RBFOX1: variants seen among roughly 807,000 people sequenced by gnomAD.
The protein encoded by RBFOX1 is RNA binding fox-1 homolog 1.
A neutral mutation model predicts 57.7 loss-of-function variants in RBFOX1; 8 were observed. The observed-to-expected ratio is 0.14, with a 90% CI of 0.08 to 0.25. The LOEUF (loss-of-function observed/expected upper bound fraction) is 0.25, where lower values mean the gene tolerates loss of function less well. Ranked by LOEUF, RBFOX1 falls within the 10% of genes least tolerant of loss-of-function variation. The pLI, the probability that RBFOX1 is intolerant of heterozygous loss-of-function variation, is 1.00. For synonymous variants in RBFOX1, 326 were observed against 222.4 expected (o/e 1.47, Z -4.15); for missense variants, 611 against 548.5 (o/e 1.11, Z -1.14).
At chr16:5,419,422 AT>A (rs1472485072) in intron 1 of RBFOX1, among the ~76,000 whole-genome samples, 2 of 151,806 alleles carry the variant, frequency 1.3e-5, no homozygotes, top group Non-Finnish European at 2.9e-5. Flanking sequence ...CTTCTGCCAG[AT>A]TTTTTTCTGG....
chr16:7,199,093 A>G (rs530122308), intron 4 of RBFOX1, among the ~76,000 whole-genome samples: 12 of 152,304 alleles, frequency 7.9e-5, no homozygotes, highest in African/African-American at 2.6e-4. Context: ...TCCTCCCCAG[A>G]GGAAGAACAC....
intron 1 of RBFOX1, among the ~76,000 whole-genome samples, chr16:6,088,597 A>C (rs1012831571): frequency 3.3e-5 from 5 of 151,670 alleles, no homozygotes; most frequent in African/African-American, 9.7e-5. Context: ...TTGCATGCCA[A>C]AGACAAATGT....
chr16:6,471,351 A>G (rs924149145), intron 2 of RBFOX1, among the ~76,000 whole-genome samples: 1 of 152,154 alleles, frequency 6.6e-6, no homozygotes. Flanking sequence ...GCATAGCACA[A>G]TTTATTCCAT....
intron 3 of RBFOX1, among the ~76,000 whole-genome samples, chr16:6,657,751 C>T (rs896992395): frequency 6.6e-6 from 1 of 152,062 alleles, no homozygotes; most frequent in Non-Finnish European, 1.5e-5. Flanking sequence ...AAGCGGCAGC[C>T]TCTTGGCCTA....
chr16:6,801,152 G>A (rs185829124), intron 3 of RBFOX1, among the ~76,000 whole-genome samples: 1 of 147,050 alleles, frequency 6.8e-6, no homozygotes, highest in African/African-American at 2.5e-5. Flanking sequence ...AGGTGATGTT[G>A]ATGTCTTGGA....
chr16:7,604,155 T>C (rs1364882674), intron 9 of RBFOX1, among the ~76,000 whole-genome samples: 1 of 152,148 alleles, frequency 6.6e-6, no homozygotes, highest in African/African-American at 2.4e-5. Context: ...AGTAGATAGA[T>C]ATGCCATTTG....
chr16:5,760,622 C>G (rs780796464), intron 3 of RBFOX1, among the ~76,000 whole-genome samples: 2 of 152,104 alleles, frequency 1.3e-5, no homozygotes, highest in African/African-American at 2.4e-5. Flanking sequence ...AAACATGATG[C>G]TAACATTGAA....
chr16:7,233,088 A>T (rs2093592783), intron 4 of RBFOX1, among the ~76,000 whole-genome samples: 1 of 152,038 alleles, frequency 6.6e-6, no homozygotes, highest in African/African-American at 2.4e-5. Context: ...CAAAGAACCC[A>T]TCTCACAATG....
intron 3 of RBFOX1, among the ~76,000 whole-genome samples, chr16:6,973,622 T>A (rs1028892829): frequency 3.9e-5 from 6 of 152,162 alleles, no homozygotes; most frequent in African/African-American, 1.4e-4. Flanking sequence ...TTGACAGTTA[T>A]CAAAGAAACA....
intron 3 of RBFOX1, among the ~76,000 whole-genome samples, chr16:5,731,327 C>T (rs2052366026): frequency 6.6e-6 from 1 of 152,184 alleles, no homozygotes; most frequent in Non-Finnish European, 1.5e-5. Flanking sequence ...TCAGTATCAC[C>T]ACCACTACTG....
At chr16:6,072,615 T>A (rs2095850512) in intron 1 of RBFOX1, among the ~76,000 whole-genome samples, 1 of 149,356 alleles carries the variant, frequency 6.7e-6, no homozygotes, top group Non-Finnish European at 1.5e-5. Context: ...AGGCCAACAA[T>A]TGTTTTTTTT....
intron 2 of RBFOX1, among the ~76,000 whole-genome samples, chr16:6,465,668 G>A (rs886717252): frequency 6.8e-6 from 1 of 146,016 alleles, no homozygotes; most frequent in Admixed American, 6.9e-5. Flanking sequence ...CGCTATTGGA[G>A]CATGGCCCTG....
intron 1 of RBFOX1, among the ~76,000 whole-genome samples, chr16:6,211,800 T>C (rs1005172818): frequency 2.0e-5 from 3 of 151,894 alleles, no homozygotes; most frequent in Non-Finnish European, 4.4e-5. Flanking sequence ...TAACATTCCA[T>C]CCACTTAAAG....
intron 1 of RBFOX1, among the ~76,000 whole-genome samples, chr16:5,296,072 C>A (rs1050991305): frequency 2.1e-5 from 2 of 95,290 alleles, no homozygotes; most frequent in South Asian, 9.8e-4. Flanking sequence ...CTCCATTGCG[C>A]CCGGGTTCCC....
chr16:7,359,947 G>A (rs1372941320), intron 4 of RBFOX1, among the ~76,000 whole-genome samples: 1 of 148,934 alleles, frequency 6.7e-6, no homozygotes, highest in Non-Finnish European at 1.5e-5. Context: ...TCGCGCCACT[G>A]CACTCCAGCC....
chr16:6,705,754 A>C (rs1044029254), intron 3 of RBFOX1, among the ~76,000 whole-genome samples: 1 of 152,198 alleles, frequency 6.6e-6, no homozygotes, highest in East Asian at 1.9e-4. Context: ...ATGGTGGCTT[A>C]AGCCTGTAAT....
intron 3 of RBFOX1, among the ~76,000 whole-genome samples, chr16:6,896,971 G>T (rs143631086): frequency 6.6e-6 from 1 of 152,174 alleles, no homozygotes; most frequent in Non-Finnish European, 1.5e-5. Context: ...CTGACAGGCC[G>T]TCTAAGGAAA....
intron 4 of RBFOX1, among the ~76,000 whole-genome samples, chr16:7,052,685 G>C (rs971879467): frequency 1.3e-5 from 2 of 152,180 alleles, no homozygotes; most frequent in African/African-American, 2.4e-5. Flanking sequence ...GTATTCCCTA[G>C]ATGTGCAGGG....
chr16:5,894,108 C>G (rs1206606221), intron 4 of RBFOX1, among the ~76,000 whole-genome samples: 2 of 152,096 alleles, frequency 1.3e-5, no homozygotes, highest in South Asian at 4.1e-4. Context: ...GAGAGATATG[C>G]ATGGGGATGA....
Sources: gnomAD v4.1 joint callset for allele counts (sites outside exome capture counted in the v4.1 genomes callset) on GRCh38, gnomAD v4.1.1 for gene constraint, MANE v1.5 for transcripts, NCBI Gene and HGNC (gene_info 2026-07-23, HGNC 2026-07-21) for gene names.